Variants in TBC1D20 observed in about 807,000 individuals in gnomAD.
TBC1D20 encodes chromosome 20 open reading frame 140.
TBC1D20 carries 12 observed loss-of-function variants against 41.6 expected under a neutral mutation model. The observed-to-expected ratio is 0.29, with a 90% CI of 0.18 to 0.47. The LOEUF (loss-of-function observed/expected upper bound fraction) is 0.47, where lower values mean the gene tolerates loss of function less well. Among genes scored for constraint, TBC1D20 ranks in the 20% least tolerant of loss-of-function variants. The pLI, the probability that TBC1D20 is intolerant of heterozygous loss-of-function variation, is 1.00. For synonymous variants in TBC1D20, 205 were observed against 204.8 expected (o/e 1.00, Z -0.01); for missense variants, 421 against 517.4 (o/e 0.81, Z 1.81).
chr20:442,829 G>C (rs1371722162), intron 3 of TBC1D20, among the ~76,000 whole-genome samples: 1 of 152,216 alleles, frequency 6.6e-6, no homozygotes, highest in African/African-American at 2.4e-5. Context: ...CAGGCGCGGT[G>C]GCTCACGCCT....
intron 2 of TBC1D20, among the ~76,000 whole-genome samples, chr20:445,889 G>A (rs139448181): frequency 6.6e-6 from 1 of 152,338 alleles, no homozygotes; most frequent in East Asian, 1.9e-4. Flanking sequence ...CCTGATAGAA[G>A]AACATCATCT....
intron 1 of TBC1D20, among the ~76,000 whole-genome samples, chr20:457,935 CTAACA>C (rs969488394): frequency 4.0e-5 from 6 of 151,776 alleles, no homozygotes; most frequent in Admixed American, 6.6e-5. Flanking sequence ...GAGAAAAAAC[CTAACA>C]TATTTAATTT....
chr20:454,645 C>G (rs1245230230), intron 1 of TBC1D20, among the ~76,000 whole-genome samples: 1 of 137,074 alleles, frequency 7.3e-6, no homozygotes, highest in Admixed American at 7.6e-5. Flanking sequence ...TATGACAAAG[C>G]TGTACATTAT....
Position 438,973 on chromosome 20 carries a change from A to C in TBC1D20, c.957-132T>G, listed in dbSNP as rs552495471. On this transcript the variant is annotated intron_variant, in intron 7 of 7. Transcript: ENST00000354200. ...CTTTATGATAAAGACCCATATGTCT[A>C]CAGTGGGGATTCCACTGGCCTAAGC... The C allele has an allele frequency of 6.9e-6, 10 of 1,448,018 alleles. No homozygotes were observed. In the East Asian group the frequency reaches 2.3e-4, roughly 33 times the overall value. The allele number at this position is 1,448,018 out of a possible 1,614,324, so 89.7% of individuals were successfully genotyped here.
intron 1 of TBC1D20, among the ~76,000 whole-genome samples, chr20:454,356 G>A (rs2017505829): frequency 6.6e-6 from 1 of 152,058 alleles, no homozygotes; most frequent in South Asian, 2.1e-4. Context: ...ACACACAAAG[G>A]AAATGGAGGA....
chr20:444,962 C>T (rs2273465), intron 3 of TBC1D20, 88 bp downstream of exon 3: 4 of 1,178,670 alleles, frequency 3.4e-6, no homozygotes, highest in African/African-American at 1.5e-5. Flanking sequence ...GTCCCTGAGG[C>T]GGCAGGGTCC....
At chr20:443,305 T>C (rs1254627634) in intron 3 of TBC1D20, among the ~76,000 whole-genome samples, 1 of 152,214 alleles carries the variant, frequency 6.6e-6, no homozygotes, top group Non-Finnish European at 1.5e-5. Context: ...CAAAGATGTA[T>C]TATAGCTGGA....
In TBC1D20 at chr20:445,052, G is replaced by C; in HGVS notation, c.335C>G (p.Pro112Arg). 1 of 1,600,336 alleles carries C rather than the reference G, an allele frequency of 6.2e-7. No individual in the cohort carries two copies. ...GCAGGACCGGGAGAGCTTCTCACCA[G>C]GAGGGAACCGCCGCAATGACCGCCG... ...DVRRSLRRFPPGMPEEQREGL... is the reference protein window; with the variant it reads ...DVRRSLRRFPRGMPEEQREGL... Residue 112 changes from proline to arginine, a missense_variant and splice_region_variant, in exon 3 of 8, where the codon CCT becomes CGT. By Grantham distance (103) the Pro-to-Arg change is moderately radical (BLOSUM62 -2). This residue lies in a region of TBC1D20 where 150 missense variants were observed against 151.3 expected (regional missense o/e 0.99). Coordinates refer to ENST00000354200, the MANE Select transcript of TBC1D20 (RefSeq NM_144628.4).
chr20:457,516 T>C (rs1282362284), intron 1 of TBC1D20, among the ~76,000 whole-genome samples: 2 of 152,294 alleles, frequency 1.3e-5, no homozygotes, highest in African/African-American at 4.8e-5. Context: ...GCCACCACAC[T>C]GGGCTCTGGT....
intron 1 of TBC1D20, among the ~76,000 whole-genome samples, chr20:455,703 C>T (rs1259386634): frequency 2.6e-5 from 4 of 151,368 alleles, no homozygotes; most frequent in African/African-American, 4.9e-5. Context: ...GAAGTCGAGG[C>T]GAGCGGATCA....
At chr20:446,005 T>C (rs1270538949) in intron 2 of TBC1D20, among the ~76,000 whole-genome samples, 1 of 152,250 alleles carries the variant, frequency 6.6e-6, no homozygotes, top group Non-Finnish European at 1.5e-5. Flanking sequence ...ACTCAACACC[T>C]ACTGGGTGAC....
At chr20:456,958 C>G (rs1223807988) in intron 1 of TBC1D20, among the ~76,000 whole-genome samples, 2 of 131,054 alleles carry the variant, frequency 1.5e-5, no homozygotes, top group Non-Finnish European at 3.2e-5. Flanking sequence ...TTTTTTGAGA[C>G]AGAGTTTCAC....
chr20:462,304 G>GCCGCTC (rs1358383434), intron 1 of TBC1D20, 32 bp downstream of exon 1: 8 of 1,268,240 alleles, frequency 6.3e-6, no homozygotes. Flanking sequence ...GCCCTCGCAG[G>GCCGCTC]CCGCTCCCGG....
Position 442,253 on chromosome 20 carries a change from C to A in TBC1D20, c.338-210G>T, listed in dbSNP as rs551087786. On this transcript the variant is annotated intron_variant, in intron 3 of 7. Coordinates refer to ENST00000354200, the MANE Select transcript of TBC1D20 (RefSeq NM_144628.4). The stretch of plus-strand genomic sequence containing the variant: ...CAGTAGGGGAAGCTGCAGATGCCAC[C>A]CTAACCAAGTTGCTGCAGTTAATAC... Among the ~76,000 whole-genome samples the A allele has an allele frequency of 2.0e-5, 3 of 152,316 alleles. No individual in the cohort carries two copies. In the East Asian group the frequency reaches 5.8e-4, roughly 29 times the overall value.
intron 3 of TBC1D20, among the ~76,000 whole-genome samples, chr20:444,521 T>A (rs990898611): frequency 6.6e-6 from 1 of 152,176 alleles, no homozygotes; most frequent in African/African-American, 2.4e-5. Flanking sequence ...CTTCCTGAAA[T>A]AAAGAGGTAA....
At chr20:443,516 G>A (rs138203833) in intron 3 of TBC1D20, among the ~76,000 whole-genome samples, 1 of 152,096 alleles carries the variant, frequency 6.6e-6, no homozygotes, top group Non-Finnish European at 1.5e-5. Context: ...AAACTAAACC[G>A]GACAAAGGAT....
rs1178605426 is a variant in TBC1D20 at position 462,513 on chromosome 20, C to T, written c.-108G>A. Reference sequence around the variant, plus strand: ...ACCCGCTCGGCATCGGCAGGCTCCCCTCCGTCGGCCAGCGGCGCGCAGGCG... The same window carrying T: ...ACCCGCTCGGCATCGGCAGGCTCCCTTCCGTCGGCCAGCGGCGCGCAGGCG... On this transcript the variant is annotated 5_prime_UTR_variant, in exon 1 of 8. Transcript: ENST00000354200. 1.7e-6 allele frequency: 1 copy of T among 593,658 alleles called. No homozygotes were observed. The highest frequency in any genetic ancestry group is 2.3e-6 in the Non-Finnish European group (1 of 443,628). The allele number at this position is 593,658 out of a possible 1,614,324, so 36.8% of individuals were successfully genotyped here.
chr20:462,519 C>G lies in TBC1D20; in HGVS notation c.-114G>C, dbSNP rs1600348488. The stretch of plus-strand genomic sequence containing the variant: ...TCGGCATCGGCAGGCTCCCCTCCGT[C>G]GGCCAGCGGCGCGCAGGCGCGCAGG... On this transcript the variant is annotated 5_prime_UTR_variant, in exon 1 of 8. Transcript: ENST00000354200. 1.9e-6 allele frequency: 1 copy of G among 528,992 alleles called. No homozygotes were observed. The highest frequency in any genetic ancestry group is 7.1e-5 in the East Asian group (1 of 14,172). 32.8% of individuals were successfully genotyped at this position (528,992 alleles called of 1,614,324 possible).
chr20:456,898 G>C (rs558535366), intron 1 of TBC1D20, among the ~76,000 whole-genome samples: 2 of 150,364 alleles, frequency 1.3e-5, no homozygotes, highest in South Asian at 4.2e-4. Flanking sequence ...GTCAGGAAAG[G>C]CTTCACCAAG....
Sources: gnomAD v4.1 joint callset for allele counts (sites outside exome capture counted in the v4.1 genomes callset) on GRCh38, gnomAD v4.1.1 for gene constraint, gnomAD v4.1.1 regional missense constraint, MANE v1.5 for transcripts, NCBI Gene and HGNC (gene_info 2026-07-23, HGNC 2026-07-21) for gene names.